Variants in BRINP3 observed in about 807,000 individuals in gnomAD.
BRINP3 encodes BMP/retinoic acid inducible neural specific 3.
Under a neutral mutation model 71.0 loss-of-function variants are expected in BRINP3, and 19 were observed. That is an observed-to-expected ratio of 0.27 (90% confidence interval 0.19 to 0.39). The LOEUF is 0.39. Among genes scored for constraint, BRINP3 ranks in the 10% least tolerant of loss-of-function variants. BRINP3 has a pLI of 1.00. For synonymous variants in BRINP3, 380 were observed against 337.7 expected, an observed-to-expected ratio of 1.13 and a Z score of -1.37; for missense variants, 959 against 940.8, an observed-to-expected ratio of 1.02 and a Z score of -0.25.
At chr1:190,152,485 T>C (rs1311278000) in intron 7 of BRINP3, among the ~76,000 whole-genome samples, 1 of 146,866 alleles carries the variant, frequency 6.8e-6, no homozygotes, top group African/African-American at 2.5e-5. Context: ...ATTACATACA[T>C]GCACAAATAT....
chr1:190,329,899 T>C (rs1666853550), intron 2 of BRINP3, among the ~76,000 whole-genome samples: 1 of 151,672 alleles, frequency 6.6e-6, no homozygotes, highest in Non-Finnish European at 1.5e-5. Context: ...TAAAGGACAC[T>C]CTAATATATG....
intron 2 of BRINP3, among the ~76,000 whole-genome samples, chr1:190,359,087 C>T (rs2204602): frequency 0.36 from 55,034 of 151,656 alleles, 11,016 homozygotes; most frequent in Admixed American, 0.48. Flanking sequence ...GTGCAGCAAA[C>T]GAATATGACA....
intron 2 of BRINP3, among the ~76,000 whole-genome samples, chr1:190,312,300 C>A (rs966986623): frequency 2.0e-5 from 3 of 150,586 alleles, no homozygotes; most frequent in African/African-American, 7.3e-5. Flanking sequence ...AGAGAATATG[C>A]ATGTATCTGA....
At chr1:190,426,756 C>A (rs1358632464) in intron 2 of BRINP3, among the ~76,000 whole-genome samples, 5 of 151,624 alleles carry the variant, frequency 3.3e-5, no homozygotes, top group Non-Finnish European at 7.4e-5. Context: ...CCTATGAATA[C>A]CAATTATTTA....
intron 4 of BRINP3, among the ~76,000 whole-genome samples, chr1:190,246,532 A>G (rs1387543935): frequency 6.6e-6 from 1 of 152,078 alleles, no homozygotes; most frequent in Non-Finnish European, 1.5e-5. Flanking sequence ...GACAGGAGAA[A>G]AATGATTCTT....
chr1:190,293,407 T>C (rs1664016860), intron 2 of BRINP3, among the ~76,000 whole-genome samples: 1 of 152,184 alleles, frequency 6.6e-6, no homozygotes, highest in African/African-American at 2.4e-5. Flanking sequence ...TTCAATTTTT[T>C]TGAATCTCTT....
chr1:190,429,924 G>C (rs531222994), intron 2 of BRINP3, among the ~76,000 whole-genome samples: 3 of 152,036 alleles, frequency 2.0e-5, no homozygotes, highest in African/African-American at 7.2e-5. Context: ...GGTTTTTAAA[G>C]GGTTATGTTA....
At chr1:190,177,314 T>C (rs1323849437) in intron 6 of BRINP3, among the ~76,000 whole-genome samples, 1 of 149,530 alleles carries the variant, frequency 6.7e-6, no homozygotes, top group Non-Finnish European at 1.5e-5. Context: ...AGGCGCCCAT[T>C]ACCATGCCTG....
At chr1:190,221,288 T>C (rs1430490854) in intron 6 of BRINP3, among the ~76,000 whole-genome samples, 1 of 152,116 alleles carries the variant, frequency 6.6e-6, no homozygotes, top group Non-Finnish European at 1.5e-5. Context: ...GGAGTTAAAG[T>C]GTAAAATTTT....
At chr1:190,192,533 TC>T (rs1334097453) in intron 6 of BRINP3, among the ~76,000 whole-genome samples, 1 of 151,412 alleles carries the variant, frequency 6.6e-6, no homozygotes, top group African/African-American at 2.4e-5. Flanking sequence ...GTTTTTTTTT[TC>T]AAGGAAGCCT....
chr1:190,201,160 GAAC>G (rs1654970564), intron 6 of BRINP3, among the ~76,000 whole-genome samples: 1 of 152,100 alleles, frequency 6.6e-6, no homozygotes, highest in Admixed American at 6.6e-5. Context: ...ATAGTGATAT[GAAC>G]AATAAGCTGA....
intron 7 of BRINP3, among the ~76,000 whole-genome samples, chr1:190,141,148 T>C (rs1044490938): frequency 2.0e-5 from 3 of 152,164 alleles, no homozygotes; most frequent in Admixed American, 6.5e-5. Flanking sequence ...ATTTGAATGT[T>C]ATACTCTTGC....
intron 2 of BRINP3, among the ~76,000 whole-genome samples, chr1:190,388,643 G>T (rs1036324149): frequency 6.6e-6 from 1 of 151,696 alleles, no homozygotes; most frequent in Non-Finnish European, 1.5e-5. Context: ...CAGACTACTT[G>T]ATTTTGGACT....
intron 1 of BRINP3, among the ~76,000 whole-genome samples, chr1:190,461,145 CTT>C (rs1300718027): frequency 1.3e-5 from 2 of 152,142 alleles, no homozygotes; most frequent in Non-Finnish European, 2.9e-5. Context: ...TTTAAAATAA[CTT>C]ATGAAATTAT....
At chr1:190,395,095 G>A (rs993308602) in intron 2 of BRINP3, among the ~76,000 whole-genome samples, 1 of 151,648 alleles carries the variant, frequency 6.6e-6, no homozygotes, top group Non-Finnish European at 1.5e-5. Context: ...CTTACATTCA[G>A]GCAGCTATTT....
chr1:190,301,178 T>TATATATTTATATATATACATATATAC (rs1553283671), intron 2 of BRINP3, among the ~76,000 whole-genome samples: 5 of 41,454 alleles, frequency 1.2e-4, no homozygotes, highest in Admixed American at 3.0e-4. Flanking sequence ...TATATATACA[T>TATATATTTATATATATACATATATAC]ATATATATGT....
intron 6 of BRINP3, among the ~76,000 whole-genome samples, chr1:190,185,943 G>T (rs1653477276): frequency 6.6e-6 from 1 of 152,124 alleles, no homozygotes; most frequent in Non-Finnish European, 1.5e-5. Flanking sequence ...AAAAAGGAAA[G>T]AGGTTTGTTT....
At chr1:190,441,001 A>G (rs997334908) in intron 2 of BRINP3, among the ~76,000 whole-genome samples, 1 of 151,990 alleles carries the variant, frequency 6.6e-6, no homozygotes, top group Non-Finnish European at 1.5e-5. Flanking sequence ...AAGAAAAAAC[A>G]AATAGTGAAA....
At chr1:190,412,418 C>CT (rs71561664) in intron 2 of BRINP3, among the ~76,000 whole-genome samples, 8 of 141,124 alleles carry the variant, frequency 5.7e-5, no homozygotes, top group African/African-American at 1.0e-4. Context: ...TATATATACA[C>CT]TTTTTTTTAC....
Sources: allele counts gnomAD v4.1 joint callset (sites outside exome capture counted in the v4.1 genomes callset), GRCh38; gene constraint gnomAD v4.1.1; transcripts MANE v1.5; gene names NCBI Gene and HGNC (gene_info 2026-07-23, HGNC 2026-07-21).